CCDC192: variants seen among roughly 807,000 people sequenced by gnomAD.
CCDC192 encodes the protein coiled-coil domain-containing protein 192.
chr5:127,716,992 C>T (rs1580521694), intron 2 of CCDC192, among the ~76,000 whole-genome samples: 2 of 152,024 alleles, frequency 1.3e-5, no homozygotes, highest in Non-Finnish European at 2.9e-5. Context: ...TAAATCATAA[C>T]CTAATGAATG....
intron 5 of CCDC192, chr5:127,857,663 G>A (rs1402127661): frequency 6.6e-6 from 1 of 152,204 alleles, no homozygotes; most frequent in African/African-American, 2.4e-5. Flanking sequence ...GGCTGGTAAA[G>A]TGGGAATGCA....
In CCDC192 at chr5:127,703,548, A is replaced by G. The variant is rs559064395; in HGVS notation, c.62+41A>G. The G allele has an allele frequency of 3.0e-5, 12 of 398,148 alleles. No homozygotes were observed. The South Asian group carries it at 1.5e-3, about 51-fold the overall frequency. The allele number at this position is 398,148 out of a possible 1,614,324, so 24.7% of individuals were successfully genotyped here. The stretch of plus-strand genomic sequence containing the variant: ...CTCTCATCCCAAAATAATTCATGGG[A>G]ATTTCTGGATAAAGTAGCTTTCACT... On this transcript the variant is annotated intron_variant, in intron 1 of 6. Coordinates refer to ENST00000514853, the MANE Select transcript of CCDC192 (RefSeq NM_001317938.2).
chr5:127,803,159 G>C (rs751648315), intron 5 of CCDC192, among the ~76,000 whole-genome samples: 1 of 152,190 alleles, frequency 6.6e-6, no homozygotes, highest in Non-Finnish European at 1.5e-5. Flanking sequence ...GAACTCAATA[G>C]TTGAATAATA....
intron 3 of CCDC192, among the ~76,000 whole-genome samples, chr5:127,791,807 TTACAATG>T (rs1448735844): frequency 2.0e-5 from 3 of 152,190 alleles, no homozygotes; most frequent in Admixed American, 2.0e-4. Flanking sequence ...ATTATAAATC[TTACAATG>T]TAAAGTATGG....
At chr5:127,799,349 T>G (rs1422897301) in intron 5 of CCDC192, among the ~76,000 whole-genome samples, 2 of 152,232 alleles carry the variant, frequency 1.3e-5, no homozygotes, top group Non-Finnish European at 2.9e-5. Context: ...GAATCTTTTT[T>G]GGGCTTGTAT....
chr5:127,703,811 G>T (rs966451932), intron 1 of CCDC192, among the ~76,000 whole-genome samples: 3 of 152,094 alleles, frequency 2.0e-5, no homozygotes, highest in African/African-American at 7.2e-5. Context: ...ATGTGGGAAG[G>T]GGGAGGGTAT....
chr5:127,820,782 A>G (rs949530720), intron 5 of CCDC192, among the ~76,000 whole-genome samples: 1 of 152,162 alleles, frequency 6.6e-6, no homozygotes, highest in African/African-American at 2.4e-5. Flanking sequence ...CTTTTCAAAT[A>G]TATGTATCAT....
chr5:127,787,419 G>T (rs1054742042), intron 3 of CCDC192, among the ~76,000 whole-genome samples: 39 of 152,096 alleles, frequency 2.6e-4, no homozygotes, highest in Admixed American at 6.5e-5. Flanking sequence ...ATAAGTTTTT[G>T]TATGCTATGT....
At chr5:127,847,852 A>AATAAATAAATAC (rs1239191012) in intron 5 of CCDC192, among the ~76,000 whole-genome samples, 20 of 151,278 alleles carry the variant, frequency 1.3e-4, no homozygotes, top group African/African-American at 2.4e-4. Flanking sequence ...TAAATAAATA[A>AATAAATAAATAC]ATACATAAAT....
chr5:127,775,588 C>A (rs1037488276), intron 3 of CCDC192, among the ~76,000 whole-genome samples: 1 of 152,142 alleles, frequency 6.6e-6, no homozygotes, highest in Non-Finnish European at 1.5e-5. Flanking sequence ...CGTCATCACA[C>A]CTGAATAATA....
intron 3 of CCDC192, among the ~76,000 whole-genome samples, chr5:127,778,181 T>C (rs1321731965): frequency 2.0e-5 from 3 of 152,230 alleles, no homozygotes; most frequent in African/African-American, 7.2e-5. Flanking sequence ...AAAGTAGACA[T>C]CCTTGTCTTG....
chr5:127,863,557 A>C (rs911845834), intron 5 of CCDC192, among the ~76,000 whole-genome samples: 5 of 152,216 alleles, frequency 3.3e-5, no homozygotes, highest in African/African-American at 1.2e-4. Context: ...GGAAGGAGGA[A>C]GAAACAGGTA....
intron 5 of CCDC192, among the ~76,000 whole-genome samples, chr5:127,800,983 A>G (rs770978493): frequency 1.3e-5 from 2 of 151,896 alleles, no homozygotes; most frequent in Non-Finnish European, 2.9e-5. Context: ...CCACAACCCC[A>G]CTCCCCGTTA....
chr5:127,762,134 G>A lies in CCDC192; in HGVS notation c.222+7759G>A, dbSNP rs139641527. Among the ~76,000 whole-genome samples the A allele has an allele frequency of 8.8e-3, 1,340 of 152,232 alleles. 16 individuals are homozygous for A. The highest frequency in any genetic ancestry group is 0.011 in the Non-Finnish European group (722 of 68,024). ...ATTTGAAATAAACAATGTGCCCTTG[G>A]TAGGAGTATTCATTTCTGCAAATGC... is the stretch of plus-strand genomic sequence containing the variant. On this transcript the variant is annotated intron_variant, in intron 3 of 6. Transcript: ENST00000514853.
At chr5:127,837,691 A>G (rs954772350) in intron 5 of CCDC192, among the ~76,000 whole-genome samples, 7 of 152,342 alleles carry the variant, frequency 4.6e-5, no homozygotes, top group Admixed American at 2.6e-4. Flanking sequence ...CTGATGAATA[A>G]GAATTAGACC....
At chr5:127,834,222 A>C (rs373596879) in intron 5 of CCDC192, among the ~76,000 whole-genome samples, 1 of 152,200 alleles carries the variant, frequency 6.6e-6, no homozygotes, top group East Asian at 1.9e-4. Context: ...ATCTTTCATT[A>C]GTTCCCCCAT....
At chr5:127,839,310 A>G (rs1750174529) in intron 5 of CCDC192, among the ~76,000 whole-genome samples, 1 of 152,248 alleles carries the variant, frequency 6.6e-6, no homozygotes, top group Non-Finnish European at 1.5e-5. Flanking sequence ...GGAAATGGTC[A>G]TCATTCAGTG....
chr5:127,868,968 GTC>G (rs955051868), intron 5 of CCDC192, among the ~76,000 whole-genome samples: 19 of 152,234 alleles, frequency 1.2e-4, no homozygotes, highest in African/African-American at 4.6e-4. Context: ...ACTTTTCTGT[GTC>G]TCAGTATTTG....
At chr5:127,893,706 T>A (rs1191273826) in intron 6 of CCDC192, among the ~76,000 whole-genome samples, 1 of 152,230 alleles carries the variant, frequency 6.6e-6, no homozygotes, top group Non-Finnish European at 1.5e-5. Context: ...TAAACATTTA[T>A]AAATACAGCC....
Sources: allele counts gnomAD v4.1 joint callset (sites outside exome capture counted in the v4.1 genomes callset), GRCh38; gene constraint gnomAD v4.1.1; transcripts MANE v1.5; gene names NCBI Gene and HGNC (gene_info 2026-07-23, HGNC 2026-07-21).